Variants in TAF10 observed in about 807,000 individuals in gnomAD.
The protein encoded by TAF10 is transcription initiation factor TFIID subunit 10.
Under a neutral mutation model 18.1 loss-of-function variants are expected in TAF10, and 2 were observed. The ratio of observed to expected loss-of-function variants is 0.11; its 90% confidence interval spans 0.05 to 0.35. TAF10 has a LOEUF of 0.35. Among genes scored for constraint, TAF10 ranks in the 10% least tolerant of loss-of-function variants. The pLI, the probability that TAF10 is intolerant of heterozygous loss-of-function variation, is 1.00. For synonymous variants in TAF10, 158 were observed against 134.6 expected (o/e 1.17, Z -1.20); for missense variants, 293 against 306.9 (o/e 0.95, Z 0.34).
rs764631465 is a variant in TAF10, at chr11:6,611,997, C to G, written c.193G>C (p.Ala65Pro). The G allele has an allele frequency of 6.4e-7, 1 of 1,550,894 alleles. No homozygotes were observed. The highest frequency in any genetic ancestry group is 1.2e-5 in the South Asian group (1 of 85,572). ...TCAGCTGGCTCCCCGGCCCGCGCCG[C>G]CAAGGGTCCCGTGCCCCCAGCAGCT... is the stretch of plus-strand genomic sequence containing the variant. The part of the protein sequence containing the change: ...GAAAGGTGPL[A>P]ARAGEPAERR... The change falls in exon 1 of 5, where the codon GCG (alanine) becomes CCG (proline). Residue 65 changes from alanine to proline, a missense_variant. Ala to Pro is a conservative substitution (Grantham distance 27, BLOSUM62 -1). Coordinates refer to ENST00000299424, the MANE Select transcript of TAF10 (RefSeq NM_006284.4).
rs1473806926 is a variant in TAF10, at chr11:6,606,557, A to C, written c.*4365T>G. On this transcript the variant is annotated 3_prime_UTR_variant, in exon 5 of 5. Transcript: ENST00000299424. The stretch of plus-strand genomic sequence containing the variant: ...CAGTTGCCCAGTGGGCCTAGCATCT[A>C]GGAAGACTCTAGCTGAGTCTAGGAA... 2.1e-5 allele frequency: 3 copies of C among 142,476 alleles called. No individual in the cohort carries two copies. Among genetic ancestry groups the C allele is most frequent in the African/African-American group, 7.6e-5 (3 of 39,348 alleles). 8.8% of individuals were successfully genotyped at this position (142,476 alleles called of 1,614,324 possible).
Position 6,611,289 on chromosome 11 carries a change from G to C in TAF10, c.467C>G (p.Ser156Cys). ...ASDPRIIRLISLAAQKFISDI... is the reference protein window; with the variant it reads ...ASDPRIIRLICLAAQKFISDI... ...TGAGATGAATTTCTGGGCAGCTAAG[G>C]AGATGAGCCGAATTCTAGAGAGAAA... The change falls in exon 4 of 5, where the codon TCC becomes TGC. Residue 156 changes from serine (S) to cysteine (C), a missense_variant. Coordinates refer to ENST00000299424, the MANE Select transcript of TAF10 (RefSeq NM_006284.4). The C allele has an allele frequency of 6.2e-7, 1 of 1,614,088 alleles. No homozygotes were observed. Among genetic ancestry groups the C allele is most frequent in the Non-Finnish European group, 8.5e-7 (1 of 1,180,026 alleles).
rs749671754 is a variant in TAF10, at chr11:6,610,005, A to G, written c.*917T>C. 45 of 1,614,058 alleles carry G rather than the reference A, an allele frequency of 2.8e-5. No homozygotes were observed. Among genetic ancestry groups the G allele is most frequent in the Non-Finnish European group, 3.7e-5 (44 of 1,180,038 alleles). On this transcript the variant is annotated 3_prime_UTR_variant, in exon 5 of 5. Transcript: ENST00000299424. ...GTTCTCTTTCCAATGTCCTGGTCGCATGTATGCACCTGCCTGGGTAGCCCC... is the reference window on the plus strand; with the variant it reads ...GTTCTCTTTCCAATGTCCTGGTCGCGTGTATGCACCTGCCTGGGTAGCCCC...
rs1435098622 is a variant in TAF10 at position 6,609,075 on chromosome 11, T to C, written c.*1847A>G. 2 of 1,614,082 alleles carry C rather than the reference T, an allele frequency of 1.2e-6. No homozygotes were observed. The highest frequency in any genetic ancestry group is 2.2e-5 in the East Asian group (1 of 44,882). ...CTGACCTGCCCACACTCTTAGGAAA[T>C]GGAACCCTGAACAAACACTCTGGCA... On this transcript the variant is annotated 3_prime_UTR_variant, in exon 5 of 5. Coordinates refer to ENST00000299424, the MANE Select transcript of TAF10 (RefSeq NM_006284.4).
At chr11:6,611,548 A>C (rs777819678) in intron 2 of TAF10, 96 bp from the exon 3 acceptor site, 110 of 1,595,822 alleles carry the variant, frequency 6.9e-5, no homozygotes, top group Non-Finnish European at 9.3e-5. Flanking sequence ...TTGGGTGAGC[A>C]GAGGGCAAAC....
In TAF10 at chr11:6,608,736, T is replaced by G. The variant is rs768791411; in HGVS notation, c.*2186A>C. Reference sequence around the variant, plus strand: ...GGCCCTTGTCAGCATCTGTAACAAGTATGGAGAGATGCCTGTGGACAAAGC... The same window carrying G: ...GGCCCTTGTCAGCATCTGTAACAAGGATGGAGAGATGCCTGTGGACAAAGC... On this transcript the variant is annotated 3_prime_UTR_variant, in exon 5 of 5. Coordinates refer to ENST00000299424, the MANE Select transcript of TAF10 (RefSeq NM_006284.4). This position sits in a 1 kb window ranked among gnomAD's most constrained non-coding sequence, Gnocchi z 4.9. The G allele has an allele frequency of 1.2e-6, 2 of 1,613,986 alleles. No individual in the cohort carries two copies. The highest frequency in any genetic ancestry group is 1.7e-6 in the Non-Finnish European group (2 of 1,180,010).
rs751375651 is a variant in TAF10, at chr11:6,608,927, C to G, written c.*1995G>C. ...GCCAGAATCTCAACCGTATTCCATACAAGGACACATTCTGGAAGGGGACCA... is the reference window on the plus strand; with the variant it reads ...GCCAGAATCTCAACCGTATTCCATAGAAGGACACATTCTGGAAGGGGACCA... On this transcript the variant is annotated 3_prime_UTR_variant, in exon 5 of 5. Coordinates refer to ENST00000299424, the MANE Select transcript of TAF10 (RefSeq NM_006284.4). The surrounding 1 kb of genome is among the most constrained non-coding windows in gnomAD (Gnocchi z 4.9). 2 of 1,614,194 alleles carry G rather than the reference C, an allele frequency of 1.2e-6. No individual in the cohort carries two copies. Among genetic ancestry groups the G allele is most frequent in the South Asian group, 2.2e-5 (2 of 91,082 alleles).
Position 6,608,142 on chromosome 11 carries a change from A to C in TAF10, c.*2780T>G, listed in dbSNP as rs1855121463. 8.7e-6 allele frequency: 14 copies of C among 1,614,118 alleles called. No homozygotes were observed. The highest frequency in any genetic ancestry group is 1.2e-5 in the Non-Finnish European group (14 of 1,179,990). ...TCATGCGGGGGGCACGGATCAATGT[A>C]ATGAACCGTGGGGATGACACCCCCC... On this transcript the variant is annotated 3_prime_UTR_variant, in exon 5 of 5. Transcript: ENST00000299424. This position sits in a 1 kb window ranked among gnomAD's most constrained non-coding sequence, Gnocchi z 4.9.
chr11:6,609,628 A>G lies in TAF10; in HGVS notation c.*1294T>C, dbSNP rs1375080177. Reference sequence around the variant, plus strand: ...TATGGATCCCTCTACAATGTACTACATGAAGGCACCAGTGAGTAGGGATGT... The same window carrying G: ...TATGGATCCCTCTACAATGTACTACGTGAAGGCACCAGTGAGTAGGGATGT... On this transcript the variant is annotated 3_prime_UTR_variant, in exon 5 of 5. Coordinates refer to ENST00000299424, the MANE Select transcript of TAF10 (RefSeq NM_006284.4). The G allele has an allele frequency of 6.2e-7, 1 of 1,614,220 alleles. No homozygotes were observed. The highest frequency in any genetic ancestry group is 1.7e-5 in the Admixed American group (1 of 60,030).
rs1244553217 is a variant in TAF10, at chr11:6,606,962, G to C, written c.*3960C>G. ...AGGAAAAGCTTTTGGCTATTTCTGT[G>C]TTAGCAGATGCGAGCAAGTTGTGGA... On this transcript the variant is annotated 3_prime_UTR_variant, in exon 5 of 5. Transcript: ENST00000299424. The C allele has an allele frequency of 6.6e-6, 1 of 152,294 alleles. No individual in the cohort carries two copies. Among genetic ancestry groups the C allele is most frequent in the Non-Finnish European group, 1.5e-5 (1 of 68,068 alleles). 9.4% of individuals were successfully genotyped at this position (152,294 alleles called of 1,614,324 possible).
chr11:6,609,691 TCTC>T lies in TAF10; in HGVS notation c.*1228_*1230del, dbSNP rs749822956. 1.9e-6 allele frequency: 3 copies of T among 1,614,030 alleles called. No individual in the cohort carries two copies. The highest frequency in any genetic ancestry group is 2.5e-6 in the Non-Finnish European group (3 of 1,180,026). Reference sequence around the variant, plus strand: ...GGGAGGAAATGGCAGAGAGGGAGCCTCTCTGAACTATTTGACTTTTGCCTCCTC... The same window carrying T: ...GGGAGGAAATGGCAGAGAGGGAGCCTTGAACTATTTGACTTTTGCCTCCTC... On this transcript the variant is annotated 3_prime_UTR_variant, in exon 5 of 5. Coordinates refer to ENST00000299424, the MANE Select transcript of TAF10 (RefSeq NM_006284.4).
rs1855065988 is a variant in TAF10, at chr11:6,607,693, A to C, written c.*3229T>G. 2 of 344,510 alleles carry C rather than the reference A, an allele frequency of 5.8e-6. No homozygotes were observed. The highest frequency in any genetic ancestry group is 4.3e-5 in the Admixed American group (1 of 23,264). The allele number at this position is 344,510 out of a possible 1,614,324, so 21.3% of individuals were successfully genotyped here. A position where few individuals can be genotyped will look rare whatever the true frequency, so the allele number is the denominator to read the frequency against. ...TACAATCCAGTGCAACAAGTGCTGAAGTAGGGGGACATATAAGATGTGGTG... is the reference window on the plus strand; with the variant it reads ...TACAATCCAGTGCAACAAGTGCTGACGTAGGGGGACATATAAGATGTGGTG... On this transcript the variant is annotated 3_prime_UTR_variant, in exon 5 of 5. Transcript: ENST00000299424.
In TAF10 at chr11:6,611,425, G is replaced by T; in HGVS notation, c.415C>A (p.Leu139Met). The T allele has an allele frequency of 1.2e-6, 2 of 1,614,184 alleles. No homozygotes were observed. The highest frequency in any genetic ancestry group is 2.2e-5 in the East Asian group (1 of 44,894). Residue 139 changes from leucine to methionine, a missense_variant, in exon 3 of 5, where the codon CTG becomes ATG. Transcript: ENST00000299424. ...GAGGCCTCAAAGCCAGCACGGTTCAGGTAGTAACCAGTCACTGCATCTGGG... is the reference window on the plus strand; with the variant it reads ...GAGGCCTCAAAGCCAGCACGGTTCATGTAGTAACCAGTCACTGCATCTGGG... ...TIPDAVTGYY[L>M]NRAGFEASDP...
Position 6,610,704 on chromosome 11 carries a change from C to T in TAF10, c.*218G>A, listed in dbSNP as rs988778518. 65 of 1,497,520 alleles carry T rather than the reference C, an allele frequency of 4.3e-5. No individual in the cohort carries two copies. Among genetic ancestry groups the T allele is most frequent in the East Asian group, 3.0e-4 (13 of 43,968 alleles). The allele number at this position is 1,497,520 out of a possible 1,614,324, so 92.8% of individuals were successfully genotyped here. A position where few individuals can be genotyped will look rare whatever the true frequency, so the allele number is the denominator to read the frequency against. On this transcript the variant is annotated 3_prime_UTR_variant, in exon 5 of 5. Coordinates refer to ENST00000299424, the MANE Select transcript of TAF10 (RefSeq NM_006284.4). ...GCAGCAGGCCTCTGGTTGCCTCCCC[C>T]GCCTCCAGTCATGGTACTACCCCAG...
chr11:6,610,842 G>A lies in TAF10; in HGVS notation c.*80C>T, dbSNP rs555530162. ...TCCCAACATGGGAGGGATCAGCCCC[G>A]CCTGTCACAATAAAGTTTATTATGA... On this transcript the variant is annotated 3_prime_UTR_variant, in exon 5 of 5. Transcript: ENST00000299424. 2.0e-5 allele frequency: 31 copies of A among 1,530,180 alleles called. No homozygotes were observed. Among genetic ancestry groups the A allele is most frequent in the African/African-American group, 5.5e-5 (4 of 73,258 alleles). 94.8% of individuals were successfully genotyped at this position (1,530,180 alleles called of 1,614,324 possible). A position where few individuals can be genotyped will look rare whatever the true frequency, so the allele number is the denominator to read the frequency against.
chr11:6,607,765 A>T lies in TAF10; in HGVS notation c.*3157T>A. On this transcript the variant is annotated 3_prime_UTR_variant, in exon 5 of 5. Transcript: ENST00000299424. ...ATGTTGCAGAAGGGGTGCAAGAGAA[A>T]CCAGGGGAAGAGCACTACCACCTAA... 1 of 472,448 alleles carries T rather than the reference A, an allele frequency of 2.1e-6. No individual in the cohort carries two copies. The highest frequency in any genetic ancestry group is 2.1e-5 in the South Asian group (1 of 46,856). The allele number at this position is 472,448 out of a possible 1,614,324, so 29.3% of individuals were successfully genotyped here.
chr11:6,609,418 G>T lies in TAF10; in HGVS notation c.*1504C>A, dbSNP rs375360302. 1 of 1,613,654 alleles carries T rather than the reference G, an allele frequency of 6.2e-7. No individual in the cohort carries two copies. Among genetic ancestry groups the T allele is most frequent in the Non-Finnish European group, 8.5e-7 (1 of 1,179,658 alleles). The stretch of plus-strand genomic sequence containing the variant: ...AGTGTCCCCGGCTCAGGTAGTGCAA[G>T]GCGTAACCTGGAAGCTGCTAGTTCC... On this transcript the variant is annotated 3_prime_UTR_variant, in exon 5 of 5. Coordinates refer to ENST00000299424, the MANE Select transcript of TAF10 (RefSeq NM_006284.4).
rs1318516550 is a variant in TAF10 at position 6,611,611 on chromosome 11, T to C, written c.387+53A>G. 38 of 1,580,280 alleles carry C rather than the reference T, an allele frequency of 2.4e-5. No individual in the cohort carries two copies. In the East Asian group the frequency reaches 6.5e-4, roughly 27 times the overall value. Reference sequence around the variant, plus strand: ...GAAGAGAACGCTGAAAAGCACGATGTGGCTGAAAGTTTTGACAGCAGGCTA... The same window carrying C: ...GAAGAGAACGCTGAAAAGCACGATGCGGCTGAAAGTTTTGACAGCAGGCTA... On this transcript the variant is annotated intron_variant, in intron 2 of 4. Transcript: ENST00000299424.
At chr11:6,611,594 C>T in intron 2 of TAF10, 70 bp downstream of exon 2, 3 of 1,584,922 alleles carry the variant, frequency 1.9e-6, no homozygotes, top group Non-Finnish European at 2.6e-6. Flanking sequence ...TGGAAGAGAA[C>T]GCTGAAAAGC....
Sources: gnomAD v4.1 joint callset for allele counts on GRCh38, gnomAD v4.1.1 for gene constraint, Gnocchi (gnomAD v3.1) non-coding constraint, MANE v1.5 for transcripts, NCBI Gene and HGNC (gene_info 2026-07-23, HGNC 2026-07-21) for gene names.